The following UBXN2A variants were observed in gnomAD, a reference collection of about 807,000 sequenced individuals.
UBXN2A encodes UBX domain-containing protein 2A.
UBXN2A carries 28 observed loss-of-function variants against 28.4 expected under a neutral mutation model. That is an observed-to-expected ratio of 0.99 (90% CI 0.73 to 1.35). UBXN2A has a LOEUF of 1.35. Ranked by LOEUF, UBXN2A falls within the 40% of genes most tolerant of loss-of-function variation. The pLI, the probability that UBXN2A is intolerant of heterozygous loss-of-function variation, is 0.00. For synonymous variants in UBXN2A, 97 were observed against 103.6 expected, an observed-to-expected ratio of 0.94 and a Z score of 0.39; for missense variants, 253 against 297.9, an observed-to-expected ratio of 0.85 and a Z score of 1.11.
chr2:23,947,710 A>C (rs1302898710), intron 1 of UBXN2A, among the ~76,000 whole-genome samples: 1 of 152,174 alleles, frequency 6.6e-6, no homozygotes, highest in East Asian at 1.9e-4. Flanking sequence ...ACAATTAGTA[A>C]TTCAGTTTGT....
intron 2 of UBXN2A, among the ~76,000 whole-genome samples, chr2:23,966,681 G>A (rs181721619): frequency 0.038 from 5,636 of 146,908 alleles, 97 homozygotes; most frequent in Middle Eastern, 0.048. Flanking sequence ...TCGATCTCCT[G>A]ACCTTGTGAT....
At chr2:23,970,736 G>C (rs1707378533) in intron 2 of UBXN2A, among the ~76,000 whole-genome samples, 1 of 151,750 alleles carries the variant, frequency 6.6e-6, no homozygotes. Context: ...CCTGCAACTA[G>C]ATGGTCCCAT....
Position 24,002,048 on chromosome 2 carries a change from A to T in UBXN2A, c.*2181A>T, listed in dbSNP as rs1482938289. On this transcript the variant is annotated 3_prime_UTR_variant, in exon 7 of 7. Coordinates refer to ENST00000309033, the MANE Select transcript of UBXN2A (RefSeq NM_181713.4). ...TCCTAGCACTTTGGGAGGCCAAGACAGGTGGATCACTTGAGCCCAGGAGTT... is the reference window on the plus strand; with the variant it reads ...TCCTAGCACTTTGGGAGGCCAAGACTGGTGGATCACTTGAGCCCAGGAGTT... 1 of 152,194 alleles carries T rather than the reference A, an allele frequency of 6.6e-6. No homozygotes were observed. Among genetic ancestry groups the T allele is most frequent in the African/African-American group, 2.4e-5 (1 of 41,422 alleles). 9.4% of individuals were successfully genotyped at this position (152,194 alleles called of 1,614,324 possible).
chr2:23,991,673 T>C (rs531859723), intron 6 of UBXN2A, among the ~76,000 whole-genome samples: 1 of 152,222 alleles, frequency 6.6e-6, no homozygotes, highest in Admixed American at 6.5e-5. Context: ...GGGTTTGCCA[T>C]GTTGGCCAGT....
rs148423286 is a variant in UBXN2A, at chr2:23,977,017, G to A, written c.229G>A (p.Asp77Asn). 6.0e-4 allele frequency: 975 copies of A among 1,612,708 alleles called. 6 individuals are homozygous for A. In the African/African-American group the frequency reaches 0.012, roughly 19 times the overall value. ...LWKNGFTVND[D>N]FRSYSDGASQ... is the part of the protein sequence containing the mutation. ...GAAAAACGGATTCACCGTCAACGAC[G>A]ATTTCAGAAGTTATTCCGATGGTGC... Residue 77 changes from aspartate to asparagine, a missense_variant, in exon 4 of 7, where the codon GAT becomes AAT. Coordinates refer to ENST00000309033, the MANE Select transcript of UBXN2A (RefSeq NM_181713.4).
intron 6 of UBXN2A, among the ~76,000 whole-genome samples, chr2:23,999,133 C>T (rs778629158): frequency 6.6e-6 from 1 of 152,128 alleles, no homozygotes; most frequent in Non-Finnish European, 1.5e-5. Context: ...AGGCATATTT[C>T]ATTAATTCTG....
intron 1 of UBXN2A, chr2:23,944,122 C>G (rs527431021): frequency 1.2e-6 from 1 of 809,694 alleles, no homozygotes; most frequent in South Asian, 1.3e-5. Context: ...CCTGTTACTC[C>G]CAGGAAAGTT....
At chr2:23,988,728 T>C (rs1708227341) in intron 6 of UBXN2A, among the ~76,000 whole-genome samples, 1 of 152,192 alleles carries the variant, frequency 6.6e-6, no homozygotes, top group African/African-American at 2.4e-5. Flanking sequence ...GATACTTATG[T>C]TGCTCACAAG....
intron 1 of UBXN2A, among the ~76,000 whole-genome samples, chr2:23,955,523 C>A (rs889890645): frequency 2.0e-5 from 3 of 152,098 alleles, no homozygotes; most frequent in Non-Finnish European, 4.4e-5. Context: ...TAATGAAGGG[C>A]ATACATTCTG....
rs1708699982 is a variant in UBXN2A at position 24,000,514 on chromosome 2, C to CT, written c.*649dup. ...CTGAGATTGAGCAACTGTACTCCAG[C>CT]TTGGCGACAGAGCAAGACCCCCTCT... On this transcript the variant is annotated 3_prime_UTR_variant, in exon 7 of 7. Transcript: ENST00000309033. 6.6e-6 allele frequency: 1 copy of CT among 152,102 alleles called. No individual in the cohort carries two copies. The highest frequency in any genetic ancestry group is 6.6e-5 in the Admixed American group (1 of 15,252). The allele number at this position is 152,102 out of a possible 1,614,324, so 9.4% of individuals were successfully genotyped here.
chr2:23,968,469 C>T (rs552992864), intron 2 of UBXN2A, among the ~76,000 whole-genome samples: 20 of 151,966 alleles, frequency 1.3e-4, no homozygotes, highest in South Asian at 4.2e-4. Context: ...GAGGTCAGAT[C>T]GAGATAATCC....
intron 2 of UBXN2A, among the ~76,000 whole-genome samples, chr2:23,958,871 G>A (rs1314183868): frequency 2.0e-5 from 3 of 152,128 alleles, no homozygotes; most frequent in Non-Finnish European, 1.5e-5. Context: ...TACAGACAGG[G>A]TGTCTGTTGC....
exon 1 of UBXN2A, chr2:23,927,567 T>C (rs1476519587): frequency 7.3e-6 from 1 of 137,200 alleles, no homozygotes. Flanking sequence ...GAAATGAGAA[T>C]GACAGCTGTG....
rs1390491198 is a variant in UBXN2A, at chr2:24,001,470, A to C, written c.*1603A>C. Reference sequence around the variant, plus strand: ...AAATAAGTTTAACATTTTTTTTTGCAAATGATCTATTGAATCAGATTTAAA... The same window carrying C: ...AAATAAGTTTAACATTTTTTTTTGCCAATGATCTATTGAATCAGATTTAAA... On this transcript the variant is annotated 3_prime_UTR_variant, in exon 7 of 7. Transcript: ENST00000309033. 2.0e-5 allele frequency: 3 copies of C among 151,946 alleles called. No individual in the cohort carries two copies. In the South Asian group the frequency reaches 6.2e-4, roughly 31 times the overall value. 9.4% of individuals were successfully genotyped at this position (151,946 alleles called of 1,614,324 possible). A position where few individuals can be genotyped will look rare whatever the true frequency, so the allele number is the denominator to read the frequency against.
At chr2:23,964,333 C>T (rs1227610758) in intron 2 of UBXN2A, among the ~76,000 whole-genome samples, 2 of 152,078 alleles carry the variant, frequency 1.3e-5, no homozygotes, top group East Asian at 3.9e-4. Flanking sequence ...GCCTCAGCCT[C>T]CTGAGTAGCT....
At chr2:23,991,877 T>C (rs886448558) in intron 6 of UBXN2A, among the ~76,000 whole-genome samples, 1 of 152,098 alleles carries the variant, frequency 6.6e-6, no homozygotes, top group African/African-American at 2.4e-5. Context: ...TTGAAACCTC[T>C]GCCTCCTGGG....
chr2:23,935,763 G>C (rs1435016801), upstream of UBXN2A, among the ~76,000 whole-genome samples: 1 of 152,084 alleles, frequency 6.6e-6, no homozygotes, highest in African/African-American at 2.4e-5. Context: ...CAAAAAAATT[G>C]AAAACGCCAG....
chr2:23,945,049 T>G (rs1284551561), intron 1 of UBXN2A, among the ~76,000 whole-genome samples: 1 of 152,094 alleles, frequency 6.6e-6, no homozygotes, highest in Non-Finnish European at 1.5e-5. Context: ...ATGTACCACT[T>G]TTTTCTGAAA....
intron 3 of UBXN2A, among the ~76,000 whole-genome samples, chr2:23,972,350 A>T (rs1443801231): frequency 3.3e-5 from 5 of 152,180 alleles, no homozygotes; most frequent in African/African-American, 1.2e-4. Context: ...TCAGATTTTG[A>T]GTCTTGAATT....
Sources: allele counts gnomAD v4.1 joint callset (sites outside exome capture counted in the v4.1 genomes callset), GRCh38; gene constraint gnomAD v4.1.1; transcripts MANE v1.5; gene names NCBI Gene and HGNC (gene_info 2026-07-23, HGNC 2026-07-21).